Variants in STAB2 observed in about 807,000 individuals in gnomAD.
STAB2 encodes stabilin-2.
In STAB2, 288 loss-of-function variants were observed where a neutral mutation model predicts 338.1. That is an observed-to-expected ratio of 0.85 (90% CI 0.77 to 0.94). The LOEUF (loss-of-function observed/expected upper bound fraction) is 0.94. Among genes scored for constraint, STAB2 ranks in the 40% least tolerant of loss-of-function variants. The pLI is 0.00. For synonymous variants in STAB2, 1,202 were observed against 1,193.3 expected (o/e 1.01, Z -0.15); for missense variants, 3,141 against 3,210.1 (o/e 0.98, Z 0.52).
chr12:103,643,958 G>C (rs1386934113), intron 9 of STAB2, among the ~76,000 whole-genome samples: 1 of 83,376 alleles, frequency 1.2e-5, no homozygotes, highest in African/African-American at 4.9e-5. Flanking sequence ...GAGGTGAGGG[G>C]CGCCTCTGCC....
intron 43 of STAB2, among the ~76,000 whole-genome samples, chr12:103,717,463 GAA>G (rs984474085): frequency 1.6e-4 from 25 of 152,164 alleles, no homozygotes; most frequent in African/African-American, 6.0e-4. Context: ...ACCAATCAAA[GAA>G]AAGAGGTGAA....
At chr12:103,633,554 C>A (rs73394090) in intron 6 of STAB2, among the ~76,000 whole-genome samples, 33,496 of 151,950 alleles carry the variant, frequency 0.22, 4,078 homozygotes, top group South Asian at 0.36. Context: ...TGATGGCGGG[C>A]GCCTGTAATC....
At chr12:103,682,759 C>A (rs1877036251) in intron 25 of STAB2, among the ~76,000 whole-genome samples, 1 of 151,950 alleles carries the variant, frequency 6.6e-6, no homozygotes, top group East Asian at 1.9e-4. Context: ...ACCAGCCTGA[C>A]CAACATGGTG....
chr12:103,589,962 A>G (rs1407072880), intron 1 of STAB2, among the ~76,000 whole-genome samples: 1 of 152,204 alleles, frequency 6.6e-6, no homozygotes, highest in African/African-American at 2.4e-5. Context: ...AAGATTGTAC[A>G]CTTAGCAAGA....
intron 50 of STAB2, among the ~76,000 whole-genome samples, chr12:103,732,226 T>G (rs1198499881): frequency 6.6e-6 from 1 of 152,146 alleles, no homozygotes; most frequent in Non-Finnish European, 1.5e-5. Context: ...GGAGAATCAC[T>G]TGAACCCAGG....
At chr12:103,732,813 GA>G (rs1419050873) in intron 50 of STAB2, among the ~76,000 whole-genome samples, 192 bp from the exon 51 acceptor site, 1 of 151,798 alleles carries the variant, frequency 6.6e-6, no homozygotes, top group African/African-American at 2.4e-5. Flanking sequence ...TCAAAAATAA[GA>G]AAAAAAATTG....
Position 103,627,387 on chromosome 12 carries a change from C to CT in STAB2, c.488-4209dup, listed in dbSNP as rs1369180292. On this transcript the variant is annotated intron_variant, in intron 5 of 68. Coordinates refer to ENST00000388887, the MANE Select transcript of STAB2 (RefSeq NM_017564.10). The stretch of plus-strand genomic sequence containing the variant: ...TATGGGAGCACAGGAGAGGGAGCAG[C>CT]TTACTCTGCTATGGGGCATGTCACA... Among the ~76,000 whole-genome samples the CT allele has an allele frequency of 3.3e-5, 5 of 152,310 alleles. No homozygotes were observed. The East Asian group carries it at 9.6e-4, about 29-fold the overall frequency.
In STAB2 at chr12:103,701,977, TACACACACAC is replaced by T. The variant is rs71097990; in HGVS notation, c.3715-1134_3715-1125del. ...TCCCCTCTCCCAACTTCAGCCCTGCTACACACACACACACACACACACACACACACACACA... is the reference window on the plus strand; with the variant it reads ...TCCCCTCTCCCAACTTCAGCCCTGCTACACACACACACACACACACACACA... On this transcript the variant is annotated intron_variant, in intron 34 of 68. Coordinates refer to ENST00000388887, the MANE Select transcript of STAB2 (RefSeq NM_017564.10). 4.0e-3 allele frequency among the ~76,000 whole-genome samples: 582 copies of T among 144,014 alleles called. 6 individuals are homozygous for T. Among genetic ancestry groups the T allele is most frequent in the South Asian group, 0.025 (108 of 4,388 alleles). The allele number at this position is 144,014 out of a possible 152,430, so 94.5% of individuals were successfully genotyped here.
At chr12:103,703,069 A>G in intron 34 of STAB2, 79 bp from the exon 35 acceptor site, 7 of 1,491,882 alleles carry the variant, frequency 4.7e-6, no homozygotes, top group Non-Finnish European at 6.3e-6. Context: ...CAATTGTCCT[A>G]TTGCTAACCT....
At chr12:103,694,406 G>A (rs1421747843) in intron 31 of STAB2, among the ~76,000 whole-genome samples, 4 of 152,078 alleles carry the variant, frequency 2.6e-5, no homozygotes, top group African/African-American at 9.7e-5. Context: ...ACTCAGAAAT[G>A]TGTCTGTCTT....
chr12:103,727,768 C>T (rs1329582528), intron 47 of STAB2, among the ~76,000 whole-genome samples: 1 of 152,148 alleles, frequency 6.6e-6, no homozygotes, highest in Non-Finnish European at 1.5e-5. Context: ...ATTGCCCATT[C>T]ATAATAATGA....
intron 25 of STAB2, among the ~76,000 whole-genome samples, chr12:103,682,685 C>T (rs1272284462): frequency 2.6e-5 from 4 of 152,152 alleles, no homozygotes; most frequent in Non-Finnish European, 5.9e-5. Flanking sequence ...CGTGGTGGCT[C>T]ATGCCTGTAA....
chr12:103,656,724 G>C (rs1364340340), intron 15 of STAB2, among the ~76,000 whole-genome samples: 2 of 141,274 alleles, frequency 1.4e-5, no homozygotes, highest in Non-Finnish European at 3.0e-5. Context: ...CTGTCGCCCA[G>C]GCCGGACTGC....
chr12:103,613,841 A>G (rs760002820), intron 3 of STAB2, among the ~76,000 whole-genome samples: 8 of 151,980 alleles, frequency 5.3e-5, no homozygotes, highest in Non-Finnish European at 8.8e-5. Flanking sequence ...TCTCCTCTTC[A>G]TTTTGTATAG....
chr12:103,684,752 T>G (rs1877239647), intron 26 of STAB2, among the ~76,000 whole-genome samples: 1 of 152,148 alleles, frequency 6.6e-6, no homozygotes, highest in Admixed American at 6.5e-5. Flanking sequence ...GCATCCTGTA[T>G]TTTTTTATTT....
chr12:103,637,821 A>G (rs1479689660), intron 7 of STAB2, among the ~76,000 whole-genome samples, 195 bp from the exon 8 acceptor site: 1 of 152,222 alleles, frequency 6.6e-6, no homozygotes, highest in African/African-American at 2.4e-5. Context: ...GCCTACTAAT[A>G]TATCAACACA....
intron 39 of STAB2, among the ~76,000 whole-genome samples, chr12:103,710,972 C>T (rs896937102): frequency 6.6e-6 from 1 of 152,190 alleles, no homozygotes; most frequent in African/African-American, 2.4e-5. Flanking sequence ...TATTGTGTAC[C>T]TGCTGTGTGC....
At chr12:103,640,574 G>C (rs1221390366) in intron 9 of STAB2, among the ~76,000 whole-genome samples, 1 of 152,168 alleles carries the variant, frequency 6.6e-6, no homozygotes, top group Admixed American at 6.5e-5. Context: ...TGAGATTACA[G>C]GGTTATGACC....
In STAB2 at chr12:103,650,579, G is replaced by A. The variant is rs1873664492; in HGVS notation, c.1257+1G>A. 6.2e-7 allele frequency: 1 copy of A among 1,612,358 alleles called. No individual in the cohort carries two copies. Among genetic ancestry groups the A allele is most frequent in the Non-Finnish European group, 8.5e-7 (1 of 1,178,604 alleles). ...AGACAAGGGACTGAAAGGATTCAAT[G>A]TGAGTATTTAAAATGACCCTACACC... On this transcript the variant is annotated splice_donor_variant, in intron 11 of 68. Coordinates refer to ENST00000388887, the MANE Select transcript of STAB2 (RefSeq NM_017564.10). LOFTEE classifies it high-confidence loss of function.
Sources: allele counts gnomAD v4.1 joint callset (sites outside exome capture counted in the v4.1 genomes callset), GRCh38; gene constraint gnomAD v4.1.1; transcripts MANE v1.5; gene names NCBI Gene and HGNC (gene_info 2026-07-23, HGNC 2026-07-21).